NGEF: variants seen among roughly 807,000 people sequenced by gnomAD.
NGEF encodes the protein neuronal guanine nucleotide exchange factor, also known as ephexin-1.
Under a neutral mutation model 80.9 loss-of-function variants are expected in NGEF, and 31 were observed. The ratio of observed to expected loss-of-function variants is 0.38; its 90% CI spans 0.29 to 0.52. The LOEUF is 0.52. NGEF is among the 20% of genes least tolerant of loss of function. NGEF has a pLI of 0.84. For missense variants in NGEF, 709 were observed against 926.2 expected (o/e 0.77, Z 3.04); for synonymous variants, 371 against 370.2 (o/e 1.00, Z -0.03).
chr2:232,927,197 G>T lies in NGEF; in HGVS notation c.384-11C>A, dbSNP rs1693090680. On this transcript the variant is annotated splice_polypyrimidine_tract_variant and intron_variant, in intron 3 of 14. Coordinates refer to ENST00000264051, the MANE Select transcript of NGEF (RefSeq NM_019850.3). Reference sequence around the variant, plus strand: ...GTGGAGGACGACTCACTGCCAGAGAGGGAGGAGGACAGGGGCTGGTTATTT... The same window carrying T: ...GTGGAGGACGACTCACTGCCAGAGATGGAGGAGGACAGGGGCTGGTTATTT... The T allele has an allele frequency of 1.3e-6, 2 of 1,575,592 alleles. No homozygotes were observed. The highest frequency in any genetic ancestry group is 8.6e-7 in the Non-Finnish European group (1 of 1,164,008).
At chr2:232,957,569 C>T (rs146420542) in intron 3 of NGEF, among the ~76,000 whole-genome samples, 32 of 152,244 alleles carry the variant, frequency 2.1e-4, no homozygotes, top group Middle Eastern at 3.4e-3. Context: ...GTGATCTGCC[C>T]GCCTCGGTCT....
At chr2:232,907,742 T>G (rs540476955) in intron 5 of NGEF, among the ~76,000 whole-genome samples, 1 of 152,368 alleles carries the variant, frequency 6.6e-6, no homozygotes, top group East Asian at 1.9e-4. Context: ...AAATGTTCTA[T>G]TTTGCTTTTT....
chr2:232,900,613 T>TTCAC (rs71058509), intron 5 of NGEF, among the ~76,000 whole-genome samples: 23,407 of 37,408 alleles, frequency 0.63, 7,526 homozygotes, highest in Middle Eastern at 0.7. Context: ...TTCACTCACA[T>TTCAC]ACACACACGC....
intron 11 of NGEF, among the ~76,000 whole-genome samples, chr2:232,883,771 C>G (rs551925818): frequency 6.6e-6 from 1 of 152,340 alleles, no homozygotes; most frequent in African/African-American, 2.4e-5. Context: ...GTAAAACCCC[C>G]ACTTTACAGG....
chr2:232,886,177 T>C (rs559001709), intron 9 of NGEF, among the ~76,000 whole-genome samples: 1 of 152,018 alleles, frequency 6.6e-6, no homozygotes, highest in South Asian at 2.1e-4. Flanking sequence ...GTGTGTGATA[T>C]GTATGTGCCA....
At chr2:232,939,032 G>A (rs1435339395) in intron 3 of NGEF, among the ~76,000 whole-genome samples, 1 of 151,988 alleles carries the variant, frequency 6.6e-6, no homozygotes, top group Non-Finnish European at 1.5e-5. Context: ...ACAAAAATTA[G>A]CTGGGTATGG....
chr2:232,928,686 G>A (rs897843565), intron 3 of NGEF, among the ~76,000 whole-genome samples: 1 of 152,200 alleles, frequency 6.6e-6, no homozygotes, highest in Non-Finnish European at 1.5e-5. Flanking sequence ...GGAGGGGGCC[G>A]GCGCGGAGGT....
intron 3 of NGEF, among the ~76,000 whole-genome samples, chr2:232,945,696 G>T (rs1280058056): frequency 6.6e-6 from 1 of 152,150 alleles, no homozygotes; most frequent in African/African-American, 2.4e-5. Context: ...AGAACTGCAA[G>T]AGGGCAAATT....
intron 1 of NGEF, among the ~76,000 whole-genome samples, chr2:232,994,369 C>CA (rs10591943): frequency 7.6e-4 from 98 of 128,982 alleles, no homozygotes; most frequent in Non-Finnish European, 9.5e-4. Context: ...GACTTTGTCT[C>CA]AAAAAAAAAA....
At chr2:232,932,147 C>G (rs964682122) in intron 3 of NGEF, among the ~76,000 whole-genome samples, 1 of 148,688 alleles carries the variant, frequency 6.7e-6, no homozygotes, top group African/African-American at 2.5e-5. Flanking sequence ...TATGAGTTCT[C>G]TCCAGAATCA....
chr2:233,011,394 G>A (rs1418379707), intron 1 of NGEF, among the ~76,000 whole-genome samples: 9 of 152,090 alleles, frequency 5.9e-5, no homozygotes, highest in African/African-American at 1.2e-4. Context: ...CGGGATGTCC[G>A]ACTTGGTGCT....
intron 3 of NGEF, among the ~76,000 whole-genome samples, chr2:232,963,990 G>A (rs1439890690): frequency 1.3e-5 from 2 of 152,054 alleles, no homozygotes; most frequent in Admixed American, 6.6e-5. Context: ...CATATGAAAA[G>A]GTGTTCAACA....
At chr2:232,934,235 G>C (rs998452008) in intron 3 of NGEF, among the ~76,000 whole-genome samples, 11 of 89,274 alleles carry the variant, frequency 1.2e-4, no homozygotes, top group Admixed American at 4.4e-4. Context: ...GAGCGAGACT[G>C]CATCTCAAAA....
At chr2:232,966,863 G>A (rs1310138894) in intron 3 of NGEF, among the ~76,000 whole-genome samples, 2 of 152,102 alleles carry the variant, frequency 1.3e-5, no homozygotes, top group Non-Finnish European at 2.9e-5. Flanking sequence ...GGGTGGGGGG[G>A]GAGGCGGGTG....
chr2:232,995,212 A>G lies in NGEF; in HGVS notation c.-75+17856T>C, dbSNP rs1574659487. 6.8e-5 allele frequency among the ~76,000 whole-genome samples: 2 copies of G among 29,566 alleles called. 1 individual carries two copies. Among genetic ancestry groups the G allele is most frequent in the African/African-American group, 2.4e-4 (2 of 8,416 alleles). The allele number at this position is 29,566 out of a possible 152,430, so 19.4% of individuals were successfully genotyped here. On this transcript the variant is annotated intron_variant, in intron 1 of 14. Coordinates refer to ENST00000264051, the MANE Select transcript of NGEF (RefSeq NM_019850.3). ...GCTGTGTACAGTATGTATACTGTAT[A>G]TGTGTACAGTATGTATGCTGTGTAC...
At chr2:233,006,746 G>A (rs1319095513) in intron 1 of NGEF, among the ~76,000 whole-genome samples, 1 of 152,174 alleles carries the variant, frequency 6.6e-6, no homozygotes, top group African/African-American at 2.4e-5. Context: ...TGGCGATCCT[G>A]TATGATCTTT....
rs770624148 is a variant in NGEF, at chr2:232,894,742, C to A, written c.989+14G>T. On this transcript the variant is annotated intron_variant, in intron 6 of 14. Transcript: ENST00000264051. ...AAGGGCCCTGAGGGAGGTGGCTGTC[C>A]CCCCCGTCCTCACCGCTCACTGACA... 6.5e-7 allele frequency: 1 copy of A among 1,541,352 alleles called. No homozygotes were observed. The highest frequency in any genetic ancestry group is 8.9e-7 in the Non-Finnish European group (1 of 1,128,156).
chr2:232,901,516 C>T (rs1692356775), intron 5 of NGEF: 6 of 885,870 alleles, frequency 6.8e-6, no homozygotes, highest in South Asian at 1.0e-4. Context: ...GTTGCAGCTG[C>T]GTCACCAGGG....
chr2:232,910,002 A>G (rs1239649388), intron 5 of NGEF, among the ~76,000 whole-genome samples: 1 of 152,034 alleles, frequency 6.6e-6, no homozygotes, highest in Non-Finnish European at 1.5e-5. Context: ...TTTATTTTCT[A>G]TTATCTGTTG....
Sources: gnomAD v4.1 joint callset for allele counts (sites outside exome capture counted in the v4.1 genomes callset) on GRCh38, gnomAD v4.1.1 for gene constraint, MANE v1.5 for transcripts, NCBI Gene and HGNC (gene_info 2026-07-23, HGNC 2026-07-21) for gene names.